The following TYR variants were observed in gnomAD, a reference collection of about 807,000 sequenced individuals.
TYR encodes tyrosinase, also known as LB24-AB.
A neutral mutation model predicts 51.5 loss-of-function variants in TYR; 58 were observed. That is an observed-to-expected ratio of 1.13 (90% CI 0.91 to 1.40). The LOEUF is 1.40. TYR is among the 40% of genes most tolerant of loss of function. The pLI, the probability that TYR is intolerant of heterozygous loss-of-function variation, is 0.00. For synonymous variants in TYR, 263 were observed against 235.2 expected, an observed-to-expected ratio of 1.12 and a Z score of -1.08; for missense variants, 732 against 647.4, an observed-to-expected ratio of 1.13 and a Z score of -1.42.
intron 2 of TYR, among the ~76,000 whole-genome samples, chr11:89,221,775 C>T (rs1943914691): frequency 2.0e-5 from 3 of 152,130 alleles, no homozygotes; most frequent in Admixed American, 1.3e-4. Context: ...TCCTCTTCTC[C>T]AATTCCATCT....
At chr11:89,192,052 G>C in intron 2 of TYR, 1 of 452,556 alleles carries the variant, frequency 2.2e-6, no homozygotes, top group Non-Finnish European at 4.4e-6. Context: ...TCATTTAACT[G>C]TAATAAGGAC....
At chr11:89,197,357 A>G (rs1455645988) in intron 2 of TYR, among the ~76,000 whole-genome samples, 1 of 152,152 alleles carries the variant, frequency 6.6e-6, no homozygotes, top group African/African-American at 2.4e-5. Flanking sequence ...GAATTAAGAA[A>G]CTGAAGTTTA....
chr11:89,270,270 G>T (rs995203261), intron 3 of TYR, among the ~76,000 whole-genome samples: 1 of 151,320 alleles, frequency 6.6e-6, no homozygotes, highest in Non-Finnish European at 1.5e-5. Flanking sequence ...TTATTACTTT[G>T]CCTAGATCTC....
chr11:89,253,215 T>C (rs1334170344), intron 3 of TYR, among the ~76,000 whole-genome samples: 4 of 151,816 alleles, frequency 2.6e-5, no homozygotes. Context: ...GTAGACTTCT[T>C]AGCCTATAAG....
rs1465188961 is a variant in TYR at position 89,295,303 on chromosome 11, A to G, written c.1527A>G (p.Glu509=). The G allele has an allele frequency of 7.4e-6, 12 of 1,613,380 alleles. No homozygotes were observed. Among genetic ancestry groups the G allele is most frequent in the Non-Finnish European group, 1.0e-5 (12 of 1,179,724 alleles). The change falls in exon 5 of 5, where the codon GAA becomes GAG. Residue 509 remains glutamate, a synonymous_variant. Transcript: ENST00000263321. Reference sequence around the variant, plus strand: ...GTCACAAGAGAAAGCAGCTTCCTGAAGAAAAGCAGCCACTCCTCATGGAGA... The same window carrying G: ...GTCACAAGAGAAAGCAGCTTCCTGAGGAAAAGCAGCCACTCCTCATGGAGA... ...LCRHKRKQLP[E]EKQPLLMEKE...
At chr11:89,275,435 C>A (rs1163910742) in intron 3 of TYR, among the ~76,000 whole-genome samples, 1 of 151,914 alleles carries the variant, frequency 6.6e-6, no homozygotes, top group Non-Finnish European at 1.5e-5. Context: ...TAATAAAAGT[C>A]ACAGGAATCT....
chr11:89,239,480 T>C (rs1944163571), intron 3 of TYR, among the ~76,000 whole-genome samples: 1 of 152,056 alleles, frequency 6.6e-6, no homozygotes, highest in Non-Finnish European at 1.5e-5. Context: ...TAAAGGTATG[T>C]CAATTTTGTT....
At chr11:89,188,029 A>G (rs913286830) in intron 1 of TYR, among the ~76,000 whole-genome samples, 1 of 150,640 alleles carries the variant, frequency 6.6e-6, no homozygotes, top group Admixed American at 6.6e-5. Context: ...GTGAGACAGT[A>G]AAACATTATA....
intron 3 of TYR, among the ~76,000 whole-genome samples, chr11:89,274,649 A>G (rs1176035320): frequency 1.3e-5 from 2 of 151,858 alleles, no homozygotes; most frequent in Non-Finnish European, 2.9e-5. Flanking sequence ...CACAAAAATC[A>G]ATAACAGGAA....
chr11:89,287,470 T>A (rs1285330431), intron 4 of TYR, among the ~76,000 whole-genome samples: 3 of 151,880 alleles, frequency 2.0e-5, no homozygotes, highest in Non-Finnish European at 4.4e-5. Context: ...CCTTAGATAC[T>A]ATGGATACAA....
intron 3 of TYR, among the ~76,000 whole-genome samples, chr11:89,228,262 T>A (rs747243772): frequency 1.6e-4 from 24 of 152,098 alleles, no homozygotes; most frequent in Non-Finnish European, 2.9e-4. Context: ...TAGATCCTGG[T>A]AGAAGGTAAA....
intron 3 of TYR, among the ~76,000 whole-genome samples, chr11:89,231,317 T>TCCCAAAACA (rs1555091514): frequency 6.2e-5 from 9 of 145,754 alleles, no homozygotes; most frequent in African/African-American, 1.1e-4. Flanking sequence ...CCTGGGCATG[T>TCCCAAAACA]ATCGAAAGGG....
intron 2 of TYR, among the ~76,000 whole-genome samples, chr11:89,208,511 G>A (rs964082380): frequency 7.2e-5 from 11 of 151,990 alleles, no homozygotes; most frequent in African/African-American, 1.9e-4. Flanking sequence ...ACTTAGGGAG[G>A]ACTTCCAATA....
chr11:89,290,485 TG>T (rs1461435566), intron 4 of TYR, among the ~76,000 whole-genome samples: 1 of 152,070 alleles, frequency 6.6e-6, no homozygotes, highest in Non-Finnish European at 1.5e-5. Flanking sequence ...TGCCTTTTTT[TG>T]GACATTTTAA....
intron 3 of TYR, among the ~76,000 whole-genome samples, chr11:89,262,175 C>T (rs188691905): frequency 0.012 from 1,778 of 152,090 alleles, 33 homozygotes; most frequent in African/African-American, 0.041. Flanking sequence ...TCTCCTGCCT[C>T]GGCCTCCTGA....
chr11:89,224,101 A>G (rs556697022), intron 2 of TYR, among the ~76,000 whole-genome samples: 6 of 152,264 alleles, frequency 3.9e-5, no homozygotes, highest in African/African-American at 1.2e-4. Context: ...CTACAGAACA[A>G]TGAAGTTTAG....
chr11:89,271,533 C>G (rs1161122345), intron 3 of TYR, among the ~76,000 whole-genome samples: 1 of 151,736 alleles, frequency 6.6e-6, no homozygotes, highest in Non-Finnish European at 1.5e-5. Flanking sequence ...GATCTTTTTT[C>G]TGGTAGGTCA....
Position 89,216,647 on chromosome 11 carries a change from C to CAAAAAAAAAAA in TYR, c.1037-11164_1037-11154dup, listed in dbSNP as rs11411684. Among the ~76,000 whole-genome samples, 294 of 80,762 alleles carry CAAAAAAAAAAA rather than the reference C, an allele frequency of 3.6e-3. 3 individuals carry two copies. Among genetic ancestry groups the CAAAAAAAAAAA allele is most frequent in the African/African-American group, 0.013 (274 of 21,728 alleles). The allele number at this position is 80,762 out of a possible 152,430, so 53.0% of individuals were successfully genotyped here. A position where few individuals can be genotyped will look rare whatever the true frequency, so the allele number is the denominator to read the frequency against. On this transcript the variant is annotated intron_variant, in intron 2 of 4. Coordinates refer to ENST00000263321, the MANE Select transcript of TYR (RefSeq NM_000372.5). ...CAGCCTGGATGGAGTTTTTCCATCT[C>CAAAAAAAAAAA]AAAAAAAAAAAAAAAAAAAAAATAG...
intron 3 of TYR, among the ~76,000 whole-genome samples, chr11:89,236,970 T>G (rs7358418): frequency 0.35 from 52,664 of 151,990 alleles, 10,132 homozygotes; most frequent in African/African-American, 0.52. Context: ...CAGGTCGGTA[T>G]CCTGAAATCA....
Sources: allele counts gnomAD v4.1 joint callset (sites outside exome capture counted in the v4.1 genomes callset), GRCh38; gene constraint gnomAD v4.1.1; transcripts MANE v1.5; gene names NCBI Gene and HGNC (gene_info 2026-07-23, HGNC 2026-07-21).